Variants in CIMIP4 observed in about 807,000 individuals in gnomAD.
The protein encoded by CIMIP4 is protein EAN57.
At chr22:37,003,047 T>C in the CIMIP4 span, among the ~76,000 whole-genome samples, 2 of 152,216 alleles carry the variant, frequency 1.3e-5, no homozygotes, top group Non-Finnish European at 2.9e-5. Context: ...GTAAATATGT[T>C]TGGTGGTCTT....
the CIMIP4 span, among the ~76,000 whole-genome samples, chr22:37,004,262 C>T: frequency 6.6e-6 from 1 of 152,264 alleles, no homozygotes; most frequent in East Asian, 1.9e-4. Flanking sequence ...TCTGCCCTCT[C>T]TGAAAAGCCC....
chr22:36,993,388 C>G, the CIMIP4 span, among the ~76,000 whole-genome samples: 1 of 151,810 alleles, frequency 6.6e-6, no homozygotes, highest in Non-Finnish European at 1.5e-5. Flanking sequence ...GTTAATTACG[C>G]ATATAAAAAT....
the CIMIP4 span, among the ~76,000 whole-genome samples, chr22:36,994,879 C>T: frequency 5.4e-3 from 818 of 152,298 alleles, 6 homozygotes; most frequent in South Asian, 0.025. Context: ...ATCCACCCGC[C>T]TCGGCCTCCC....
chr22:36,999,910 A>G, the CIMIP4 span: 28 of 1,614,030 alleles, frequency 1.7e-5, no homozygotes, highest in Non-Finnish European at 2.4e-5. Flanking sequence ...AGATTTCCAC[A>G]GGATTCTGGG....
chr22:37,000,095 C>G, the CIMIP4 span: 1 of 1,369,808 alleles, frequency 7.3e-7, no homozygotes, highest in Non-Finnish European at 9.8e-7. Context: ...CCGATCCCAC[C>G]TGTAGCCTGC....
the CIMIP4 span, among the ~76,000 whole-genome samples, chr22:37,005,814 G>C: frequency 6.6e-6 from 1 of 152,154 alleles, no homozygotes; most frequent in African/African-American, 2.4e-5. Flanking sequence ...GTGATGAATT[G>C]AAGAAGGGAC....
At chr22:36,991,427 C>T in the CIMIP4 span, 5 of 1,588,826 alleles carry the variant, frequency 3.1e-6, no homozygotes, top group Middle Eastern at 1.8e-4. Context: ...AGCCAACACA[C>T]CCTGCTGGTG....
the CIMIP4 span, among the ~76,000 whole-genome samples, chr22:36,991,813 C>T: frequency 3.8e-4 from 57 of 151,900 alleles, no homozygotes; most frequent in African/African-American, 1.4e-3. Flanking sequence ...GCTTCAGTGT[C>T]TTCAACTATA....
chr22:36,993,034 A>G, the CIMIP4 span, among the ~76,000 whole-genome samples: 3 of 141,744 alleles, frequency 2.1e-5, no homozygotes, highest in Admixed American at 7.4e-5. Context: ...TTTTTTTGAG[A>G]CGGAGTCTCG....
chr22:36,994,518 C>T, the CIMIP4 span, among the ~76,000 whole-genome samples: 13 of 151,948 alleles, frequency 8.6e-5, no homozygotes, highest in African/African-American at 2.9e-4. Flanking sequence ...TAGAGACATG[C>T]GCCATCATGC....
the CIMIP4 span, chr22:36,999,765 C>A: frequency 6.5e-7 from 1 of 1,544,610 alleles, no homozygotes; most frequent in Non-Finnish European, 8.7e-7. Flanking sequence ...GGAGTGGAAA[C>A]CCCAAAGGCC....
At chr22:37,000,250 T>A in the CIMIP4 span, among the ~76,000 whole-genome samples, 1 of 152,154 alleles carries the variant, frequency 6.6e-6, no homozygotes. Context: ...ATCTGCTACC[T>A]GCAACATTGG....
At chr22:36,994,655 G>A in the CIMIP4 span, among the ~76,000 whole-genome samples, 2 of 127,828 alleles carry the variant, frequency 1.6e-5, no homozygotes, top group African/African-American at 3.1e-5. Flanking sequence ...TTTTTGAGAT[G>A]GAGTCTTGCT....
At chr22:37,003,659 C>T in the CIMIP4 span, among the ~76,000 whole-genome samples, 1 of 152,186 alleles carries the variant, frequency 6.6e-6, no homozygotes. Flanking sequence ...TCACCATGTT[C>T]CCCCACAGCC....
chr22:36,993,301 C>T, the CIMIP4 span, among the ~76,000 whole-genome samples: 1 of 151,974 alleles, frequency 6.6e-6, no homozygotes, highest in Non-Finnish European at 1.5e-5. Context: ...TGAGCCACGG[C>T]GCCCAGCCAA....
At chr22:37,006,867 A>G in the CIMIP4 span, among the ~76,000 whole-genome samples, 2 of 152,180 alleles carry the variant, frequency 1.3e-5, no homozygotes, top group African/African-American at 4.8e-5. Context: ...ATAAGAGACT[A>G]CAACTTCTGT....
the CIMIP4 span, chr22:37,001,872 T>C: frequency 6.2e-7 from 1 of 1,607,816 alleles, no homozygotes. Context: ...ACCACATTGC[T>C]CCCAAACTTG....
the CIMIP4 span, among the ~76,000 whole-genome samples, chr22:36,995,032 G>A: frequency 6.6e-6 from 1 of 152,152 alleles, no homozygotes; most frequent in Non-Finnish European, 1.5e-5. Context: ...AATCATTACA[G>A]GGCTGTGTTC....
the CIMIP4 span, among the ~76,000 whole-genome samples, chr22:37,002,779 C>G: frequency 6.6e-6 from 1 of 152,226 alleles, no homozygotes; most frequent in Non-Finnish European, 1.5e-5. Context: ...GGGGCTAAGC[C>G]ACATGCCTGG....
Sources: allele counts gnomAD v4.1 joint callset (sites outside exome capture counted in the v4.1 genomes callset), GRCh38; gene constraint gnomAD v4.1.1; transcripts MANE v1.5; gene names NCBI Gene and HGNC (gene_info 2026-07-23, HGNC 2026-07-21).